PRRG1: variants seen among roughly 807,000 people sequenced by gnomAD.
The protein encoded by PRRG1 is proline rich and Gla domain 1.
A neutral mutation model predicts 11.8 loss-of-function variants in PRRG1; 5 were observed. That is an observed-to-expected ratio of 0.42 (90% CI 0.22 to 0.89). PRRG1 has a LOEUF of 0.89. Ranked by LOEUF, PRRG1 falls within the 40% of genes least tolerant of loss-of-function variation. PRRG1 has a pLI of 0.28. For missense variants in PRRG1, 155 were observed against 166.1 expected (o/e 0.93, Z 0.37); for synonymous variants, 66 against 60.4 (o/e 1.09, Z -0.43).
intron 1 of PRRG1, among the ~76,000 whole-genome samples, chrX:37,405,813 G>C (rs1481481197): frequency 9.0e-6 from 1 of 111,666 alleles, no homozygotes; most frequent in Non-Finnish European, 1.9e-5. Flanking sequence ...TTGAAGGGAA[G>C]CCGGAGACAG....
At chrX:37,445,021 C>G (rs12841220) in intron 3 of PRRG1, among the ~76,000 whole-genome samples, 1 of 111,349 alleles carries the variant, frequency 9.0e-6, no homozygotes, top group South Asian at 3.8e-4. Flanking sequence ...AAATCCTAAC[C>G]CAGATCCCCA....
intron 1 of PRRG1, chrX:37,386,512 C>CT (rs1931334991): frequency 8.9e-6 from 1 of 112,213 alleles, no homozygotes; most frequent in Non-Finnish European, 1.9e-5. Flanking sequence ...GGCTGAAAAG[C>CT]TTTATTTGCA....
At chrX:37,359,744 A>G (rs186615070) in intron 1 of PRRG1, among the ~76,000 whole-genome samples, 1 of 111,020 alleles carries the variant, frequency 9.0e-6, no homozygotes, top group African/African-American at 3.3e-5. Flanking sequence ...TCAGCGGTAA[A>G]CCCATCTGGG....
intron 3 of PRRG1, among the ~76,000 whole-genome samples, chrX:37,438,144 G>A (rs895320171): frequency 7.2e-5 from 8 of 110,355 alleles, no homozygotes; most frequent in Non-Finnish European, 1.5e-4. Flanking sequence ...CCCAGGAAGC[G>A]GAGGCTGCAG....
chrX:37,407,426 A>G (rs2146583984), intron 2 of PRRG1, among the ~76,000 whole-genome samples: 1 of 112,186 alleles, frequency 8.9e-6, no homozygotes, highest in Non-Finnish European at 1.9e-5. Flanking sequence ...TCACAATTAT[A>G]AAATTAGAAT....
intron 1 of PRRG1, among the ~76,000 whole-genome samples, chrX:37,373,490 G>A (rs1556371344): frequency 9.0e-6 from 1 of 111,359 alleles, no homozygotes; most frequent in Non-Finnish European, 1.9e-5. Flanking sequence ...ACAGTTTTCA[G>A]TGTACACAAC....
chrX:37,381,421 T>C (rs1601983885), intron 1 of PRRG1, among the ~76,000 whole-genome samples: 1 of 112,140 alleles, frequency 8.9e-6, no homozygotes, highest in South Asian at 3.7e-4. Flanking sequence ...TTTCTTCTTT[T>C]GAGGACACTG....
chrX:37,413,569 C>T (rs998927054), intron 2 of PRRG1, among the ~76,000 whole-genome samples: 1 of 111,124 alleles, frequency 9.0e-6, no homozygotes, highest in African/African-American at 3.3e-5. Context: ...ACCATGAAAC[C>T]GTCTTCTAAG....
Position 37,408,654 on chromosome X carries a change from C to T in PRRG1, c.10+2395C>T, listed in dbSNP as rs138961311. On this transcript the variant is annotated intron_variant, in intron 2 of 3. Coordinates refer to ENST00000378628, the MANE Select transcript of PRRG1 (RefSeq NM_001142395.2). ...CTGGGCTTTCCCGCTAGACAAGAAACGTTTCTGGAGCAGCTTTAAAAGAAA... is the reference window on the plus strand; with the variant it reads ...CTGGGCTTTCCCGCTAGACAAGAAATGTTTCTGGAGCAGCTTTAAAAGAAA... 6.5e-3 allele frequency among the ~76,000 whole-genome samples: 732 copies of T among 111,811 alleles called. 4 individuals are homozygous for T. The highest frequency in any genetic ancestry group is 0.022 in the African/African-American group (683 of 30,765).
At chrX:37,389,985 G>C in intron 1 of PRRG1, among the ~76,000 whole-genome samples, 1 of 111,842 alleles carries the variant, frequency 8.9e-6, no homozygotes, top group East Asian at 2.8e-4. Flanking sequence ...GTTGATTCAG[G>C]CTGCTATAAC....
intron 2 of PRRG1, among the ~76,000 whole-genome samples, chrX:37,417,504 A>T (rs1255629034): frequency 8.9e-6 from 1 of 112,044 alleles, no homozygotes; most frequent in African/African-American, 3.2e-5. Flanking sequence ...TAATTTTCAG[A>T]AATAGTTTAA....
At position 37,453,172 on chromosome X, in the gene PRRG1, G is replaced by A; in HGVS notation, c.208G>A (p.Gly70Arg). 3.9e-5 allele frequency: 47 copies of A among 1,208,536 alleles called. No homozygotes were observed. The highest frequency in any genetic ancestry group is 4.8e-5 in the Non-Finnish European group (43 of 892,812). ...GAGCACCTACACAAAAGCGCAACAAGGGGAGAGTAACCGAGGAAGTGACTG... is the reference window on the plus strand; with the variant it reads ...GAGCACCTACACAAAAGCGCAACAAAGGGAGAGTAACCGAGGAAGTGACTG... ...FWSTYTKAQQ[G>R]ESNRGSDWFQ... The change falls in exon 4 of 4, where the codon GGG (glycine) becomes AGG (arginine). Residue 70 changes from glycine (G) to arginine (R), a missense_variant. Physicochemically the swap from Gly to Arg is moderately radical, Grantham distance 125 (BLOSUM62 -2). Coordinates refer to ENST00000378628, the MANE Select transcript of PRRG1 (RefSeq NM_001142395.2).
intron 3 of PRRG1, chrX:37,440,777 T>A (rs1556393376): frequency 7.9e-6 from 4 of 508,417 alleles, no homozygotes; most frequent in Non-Finnish European, 1.4e-5. Context: ...ATTATTGTTT[T>A]AAAATTGAGA....
intron 3 of PRRG1, among the ~76,000 whole-genome samples, chrX:37,432,080 A>G (rs946413518): frequency 2.1e-5 from 2 of 97,513 alleles, no homozygotes; most frequent in Non-Finnish European, 4.0e-5. Flanking sequence ...CCTGGCCATC[A>G]TGGTGAACAA....
rs182908786 is a variant in PRRG1 at position 37,379,947 on chromosome X, A to G, written c.-41-26262A>G. ...TATACACACAGAAAATGGGGGAGCAAACGAAAATGAGTACTACAGATTTGA... is the reference window on the plus strand; with the variant it reads ...TATACACACAGAAAATGGGGGAGCAGACGAAAATGAGTACTACAGATTTGA... On this transcript the variant is annotated intron_variant, in intron 1 of 3. Coordinates refer to ENST00000378628, the MANE Select transcript of PRRG1 (RefSeq NM_001142395.2). 7.2e-5 allele frequency among the ~76,000 whole-genome samples: 8 copies of G among 111,588 alleles called. No homozygotes were observed. In the Admixed American group the frequency reaches 7.6e-4, roughly 11 times the overall value.
chrX:37,452,623 G>C (rs1921185906), intron 3 of PRRG1, among the ~76,000 whole-genome samples: 1 of 111,427 alleles, frequency 9.0e-6, no homozygotes, highest in African/African-American at 3.3e-5. Flanking sequence ...AGCTGAGGAG[G>C]AATGTCTGGT....
chrX:37,425,844 C>A lies in PRRG1; in HGVS notation c.15C>A (p.Phe5Leu). The A allele has an allele frequency of 8.5e-7, 1 of 1,175,557 alleles. No homozygotes were observed. Among genetic ancestry groups the A allele is most frequent in the South Asian group, 1.9e-5 (1 of 51,687 alleles). The part of the protein sequence containing the change: MGRV[F>L]LTGEKANSIL... Reference sequence around the variant, plus strand: ...TATACTTATATTTCTTTTTAGTTTTCCTCACGGGAGAAAAAGCCAATTCCA... The same window carrying A: ...TATACTTATATTTCTTTTTAGTTTTACTCACGGGAGAAAAAGCCAATTCCA... The change falls in exon 3 of 4, where the codon TTC becomes TTA. Residue 5 changes from phenylalanine to leucine, a missense_variant. Phe to Leu is a conservative substitution (Grantham distance 22). Transcript: ENST00000378628.
chrX:37,366,214 C>T (rs1311270604), intron 1 of PRRG1, among the ~76,000 whole-genome samples: 2 of 111,913 alleles, frequency 1.8e-5, no homozygotes, highest in East Asian at 2.8e-4. Flanking sequence ...GTGAAATGCC[C>T]TGCAATTCTG....
At chrX:37,377,862 T>G (rs1931027095) in intron 1 of PRRG1, among the ~76,000 whole-genome samples, 3 of 111,456 alleles carry the variant, frequency 2.7e-5, no homozygotes, top group African/African-American at 6.5e-5. Context: ...TTAAGAAGGG[T>G]TGAGACTTCT....
Sources: allele counts gnomAD v4.1 joint callset (sites outside exome capture counted in the v4.1 genomes callset), GRCh38; gene constraint gnomAD v4.1.1; transcripts MANE v1.5; gene names NCBI Gene and HGNC (gene_info 2026-07-23, HGNC 2026-07-21).